OFD1: variants seen among roughly 807,000 people sequenced by gnomAD.
OFD1 encodes centriole and centriolar satellite protein OFD1.
OFD1 carries 12 observed loss-of-function variants against 81.4 expected under a neutral mutation model. The ratio of observed to expected loss-of-function variants is 0.15; its 90% CI spans 0.09 to 0.24. The LOEUF is 0.24. OFD1 is among the 10% of genes least tolerant of loss of function. OFD1 has a pLI of 1.00. For synonymous variants in OFD1, 256 were observed against 263.7 expected (o/e 0.97, Z 0.28); for missense variants, 685 against 733.9 (o/e 0.93, Z 0.77).
upstream of OFD1, among the ~76,000 whole-genome samples, chrX:13,733,580 T>A (rs868079127): frequency 9.0e-6 from 1 of 111,662 alleles, no homozygotes; most frequent in Non-Finnish European, 1.9e-5. Flanking sequence ...ATACTTTAAG[T>A]TTTTCACAGC....
rs1302052890 is a variant in OFD1 at position 13,746,688 on chromosome X, A to G, written c.655-92A>G. 4 of 720,756 alleles carry G rather than the reference A, an allele frequency of 5.5e-6. No homozygotes were observed. In the Admixed American group the frequency reaches 9.3e-5, roughly 17 times the overall value. The allele number at this position is 720,756 out of a possible 1,213,427, so 59.4% of individuals were successfully genotyped here. A position where few individuals can be genotyped will look rare whatever the true frequency, so the allele number is the denominator to read the frequency against. On this transcript the variant is annotated intron_variant, in intron 7 of 22. Transcript: ENST00000340096. ...TGAAATAAATATATTTGGACAGAGC[A>G]TTAATGTTAAACCTAGATGTAGAGA...
rs751474997 is a variant in OFD1, at chrX:13,767,969, G to A, written c.2758-85G>A. The A allele has an allele frequency of 4.1e-5, 39 of 952,407 alleles. No homozygotes were observed. The Admixed American group carries it at 4.3e-4, about 11-fold the overall frequency. The allele number at this position is 952,407 out of a possible 1,213,427, so 78.5% of individuals were successfully genotyped here. Reference sequence around the variant, plus strand: ...GCATACAGGCTGTACTTGAAGGATCGGGATTAATATTAGTGCATTTTTAAA... The same window carrying A: ...GCATACAGGCTGTACTTGAAGGATCAGGATTAATATTAGTGCATTTTTAAA... On this transcript the variant is annotated intron_variant, in intron 20 of 22. Transcript: ENST00000340096.
rs903667832 is a variant in OFD1 at position 13,754,121 on chromosome X, A to T, written c.1129+680A>T. On this transcript the variant is annotated intron_variant, in intron 11 of 22. Transcript: ENST00000340096. Reference sequence around the variant, plus strand: ...CTCAGCCTCCCCAGTAGCTGGGACTACAGGCACCCACCAACACGCCCGGCT... The same window carrying T: ...CTCAGCCTCCCCAGTAGCTGGGACTTCAGGCACCCACCAACACGCCCGGCT... 7.2e-5 allele frequency among the ~76,000 whole-genome samples: 8 copies of T among 110,523 alleles called. No homozygotes were observed. The East Asian group carries it at 2.3e-3, about 31-fold the overall frequency.
chrX:13,735,138 A>C, intron 1 of OFD1, 55 bp downstream of exon 1: 1 of 1,208,284 alleles, frequency 8.3e-7, no homozygotes. Flanking sequence ...TGTGTTCGTT[A>C]AACTTTCGCC....
intron 8 of OFD1, among the ~76,000 whole-genome samples, chrX:13,748,339 C>G (rs943357162): frequency 6.2e-5 from 7 of 112,230 alleles, no homozygotes; most frequent in African/African-American, 2.3e-4. Context: ...CCTGGACTGT[C>G]CATCCCCTTC....
chrX:13,766,998 C>A, intron 19 of OFD1, 129 bp from the exon 20 acceptor site: 1 of 597,288 alleles, frequency 1.7e-6, no homozygotes, highest in Non-Finnish European at 2.8e-6. Flanking sequence ...TGACTTGAAG[C>A]AGGTCACAGA....
the OFD1 span, among the ~76,000 whole-genome samples, chrX:13,723,599 C>T: frequency 8.9e-6 from 1 of 112,208 alleles, no homozygotes; most frequent in East Asian, 2.8e-4. Flanking sequence ...CCTGCGTTGA[C>T]ATGACTGTGT....
chrX:13,722,873 C>A, the OFD1 span, among the ~76,000 whole-genome samples: 1 of 111,116 alleles, frequency 9.0e-6, no homozygotes, highest in Non-Finnish European at 1.9e-5. Flanking sequence ...ACCATCCTGG[C>A]TAACATGGTG....
the OFD1 span, chrX:13,722,208 C>CCAAAAAAAAAA: frequency 2.8e-5 from 1 of 36,118 alleles, no homozygotes; most frequent in African/African-American, 1.2e-4. Flanking sequence ...TAAGCAGCAG[C>CCAAAAAAAAAA]AAAAAAAAAA....
rs1602856653 is a variant in OFD1, at chrX:13,752,024, C to T, written c.1055+656C>T. Among the ~76,000 whole-genome samples the T allele has an allele frequency of 2.7e-5, 3 of 112,018 alleles. No individual in the cohort carries two copies. In the Middle Eastern group the frequency reaches 0.014, roughly 514 times the overall value. On this transcript the variant is annotated intron_variant, in intron 10 of 22. Coordinates refer to ENST00000340096, the MANE Select transcript of OFD1 (RefSeq NM_003611.3). ...TTTAGTTATCTTTTCCTCTACCTCA[C>T]TCATACAGTCAGAAGGATGGGGTTA...
chrX:13,761,609 T>A (rs1297802528), intron 17 of OFD1, among the ~76,000 whole-genome samples: 2 of 112,491 alleles, frequency 1.8e-5, no homozygotes, highest in South Asian at 3.6e-4. Flanking sequence ...AAAAGTCATT[T>A]TTAAAATATT....
At chrX:13,747,298 A>G (rs1001443589) in intron 8 of OFD1, among the ~76,000 whole-genome samples, 4 of 111,684 alleles carry the variant, frequency 3.6e-5, no homozygotes, top group Non-Finnish European at 7.5e-5. Context: ...TAAGGGAAGA[A>G]CAGCCCTTTA....
intron 22 of OFD1, 103 bp from the exon 23 acceptor site, chrX:13,768,963 T>C: frequency 1.3e-6 from 1 of 768,004 alleles, no homozygotes; most frequent in Non-Finnish European, 2.0e-6. Context: ...AATTGTAAAC[T>C]AGGGCAGAAA....
intron 21 of OFD1, among the ~76,000 whole-genome samples, chrX:13,768,483 GATCT>G (rs1183597431): frequency 8.9e-6 from 1 of 111,854 alleles, no homozygotes; most frequent in African/African-American, 3.3e-5. Flanking sequence ...AGAAAGAAAA[GATCT>G]ATCAAATGCA....
chrX:13,745,362 CA>C (rs1481987830), intron 6 of OFD1, among the ~76,000 whole-genome samples: 2 of 112,257 alleles, frequency 1.8e-5, no homozygotes, highest in Non-Finnish European at 3.8e-5. Flanking sequence ...TAACCCAATA[CA>C]TGCAAAATAT....
chrX:13,722,394 G>A, the OFD1 span, among the ~76,000 whole-genome samples: 10 of 110,584 alleles, frequency 9.0e-5, no homozygotes, highest in African/African-American at 3.3e-4. Flanking sequence ...GACTGCATGA[G>A]GATGCTGTTA....
At chrX:13,747,815 G>T (rs758094625) in intron 8 of OFD1, among the ~76,000 whole-genome samples, 1 of 111,582 alleles carries the variant, frequency 9.0e-6, no homozygotes, top group Non-Finnish European at 1.9e-5. Flanking sequence ...CACCACAAGG[G>T]TCATCCATGT....
Position 13,760,724 on chromosome X carries a change from A to G in OFD1, c.2260+4A>G. Reference sequence around the variant, plus strand: ...GAAAGTGAAATGTATCTGGAAGGTAAGCCACCCGCACAAAGGGTTGCGGGG... The same window carrying G: ...GAAAGTGAAATGTATCTGGAAGGTAGGCCACCCGCACAAAGGGTTGCGGGG... On this transcript the variant is annotated splice_donor_region_variant and intron_variant, in intron 16 of 22. Coordinates refer to ENST00000340096, the MANE Select transcript of OFD1 (RefSeq NM_003611.3). The G allele has an allele frequency of 8.3e-7, 1 of 1,211,253 alleles. No homozygotes were observed. Among genetic ancestry groups the G allele is most frequent in the South Asian group, 1.8e-5 (1 of 56,842 alleles).
the OFD1 span, among the ~76,000 whole-genome samples, chrX:13,717,982 C>T: frequency 8.9e-6 from 1 of 111,869 alleles, no homozygotes; most frequent in South Asian, 3.7e-4. Context: ...GAGAAAAATG[C>T]CACATGAAGA....
Sources: allele counts gnomAD v4.1 joint callset (sites outside exome capture counted in the v4.1 genomes callset), GRCh38; gene constraint gnomAD v4.1.1; transcripts MANE v1.5; gene names NCBI Gene and HGNC (gene_info 2026-07-23, HGNC 2026-07-21).